LRCH1: variants seen among roughly 807,000 people sequenced by gnomAD.
The protein encoded by LRCH1 is leucine rich repeats and calponin homology domain containing 1.
LRCH1 carries 23 observed loss-of-function variants against 94.9 expected under a neutral mutation model. The observed-to-expected ratio is 0.24, with a 90% CI of 0.17 to 0.34. The LOEUF is 0.34. LRCH1 is among the 10% of genes least tolerant of loss of function. The pLI is 1.00. For missense variants in LRCH1, 790 were observed against 945.9 expected (o/e 0.84, Z 2.16); for synonymous variants, 364 against 354.9 (o/e 1.03, Z -0.29).
At chr13:46,637,709 G>A (rs1245552951) in intron 1 of LRCH1, among the ~76,000 whole-genome samples, 1 of 98,990 alleles carries the variant, frequency 1.0e-5, no homozygotes, top group Non-Finnish European at 2.2e-5. Flanking sequence ...CCCGCACTTC[G>A]TAGTTTTTTT....
chr13:46,578,038 G>C (rs576257819), intron 1 of LRCH1, among the ~76,000 whole-genome samples: 147 of 152,202 alleles, frequency 9.7e-4, no homozygotes, highest in Non-Finnish European at 1.0e-3. Context: ...GAAAAACTTA[G>C]TGTGAGTCTT....
chr13:46,695,145 C>A, intron 9 of LRCH1, 128 bp downstream of exon 9: 2 of 1,110,896 alleles, frequency 1.8e-6, no homozygotes, highest in Non-Finnish European at 2.6e-6. Context: ...CTGAAGCGTT[C>A]CAAACATCTC....
chr13:46,612,956 T>C (rs2050763424), intron 1 of LRCH1, among the ~76,000 whole-genome samples: 1 of 152,236 alleles, frequency 6.6e-6, no homozygotes, highest in South Asian at 2.1e-4. Context: ...GTTCCCAGTT[T>C]AGCATATATG....
intron 1 of LRCH1, among the ~76,000 whole-genome samples, chr13:46,573,539 A>T (rs888354417): frequency 6.6e-6 from 1 of 152,152 alleles, no homozygotes; most frequent in African/African-American, 2.4e-5. Flanking sequence ...ATGGAGTACT[A>T]TTCAGCCATA....
chr13:46,711,987 A>G lies in LRCH1; in HGVS notation c.1581+143A>G, dbSNP rs570229273. On this transcript the variant is annotated intron_variant, in intron 14 of 19. Coordinates refer to ENST00000389797, the MANE Select transcript of LRCH1 (RefSeq NM_001164211.2). The stretch of plus-strand genomic sequence containing the variant: ...GGAATCCGTCTAACTCTCATTAGCT[A>G]TCATAGCTTTATCTGGTCCTATTCG... 5.1e-6 allele frequency: 3 copies of G among 587,156 alleles called. No individual in the cohort carries two copies. In the Admixed American group the frequency reaches 9.3e-5, roughly 18 times the overall value. The allele number at this position is 587,156 out of a possible 1,614,324, so 36.4% of individuals were successfully genotyped here.
chr13:46,741,857 C>T lies in LRCH1; in HGVS notation c.*9C>T, dbSNP rs745824795. 41 of 1,613,450 alleles carry T rather than the reference C, an allele frequency of 2.5e-5. 1 individual carries two copies. Among genetic ancestry groups the T allele is most frequent in the South Asian group, 7.7e-5 (7 of 91,058 alleles). On this transcript the variant is annotated 3_prime_UTR_variant, in exon 20 of 20. Transcript: ENST00000389797. ...ATGCTCTGTCCGCATAATGTCTGCA[C>T]GTGCATCCAAACGCTGTGCTCTGTC... is the stretch of plus-strand genomic sequence containing the variant.
intron 17 of LRCH1, among the ~76,000 whole-genome samples, chr13:46,724,645 A>G (rs1038680201): frequency 1.3e-5 from 2 of 152,236 alleles, no homozygotes; most frequent in Non-Finnish European, 2.9e-5. Context: ...AAGATCATAC[A>G]TAAATGTATG....
intron 2 of LRCH1, among the ~76,000 whole-genome samples, chr13:46,651,143 A>C (rs1214573475): frequency 6.6e-6 from 1 of 152,234 alleles, no homozygotes; most frequent in Non-Finnish European, 1.5e-5. Context: ...CGGTGAATAC[A>C]AGATCCCCAA....
intron 13 of LRCH1, among the ~76,000 whole-genome samples, chr13:46,708,276 CTTT>C (rs10635302): frequency 6.1e-5 from 8 of 130,492 alleles, no homozygotes; most frequent in African/African-American, 1.2e-4. Context: ...TTCATCCCAT[CTTT>C]TTTTTTTTTT....
chr13:46,603,135 A>T (rs1267771361), intron 1 of LRCH1, among the ~76,000 whole-genome samples: 3 of 151,592 alleles, frequency 2.0e-5, no homozygotes, highest in Non-Finnish European at 4.4e-5. Flanking sequence ...TAGGGAGGAG[A>T]AAGCTAATTC....
chr13:46,607,571 C>T (rs1209997642), intron 1 of LRCH1, among the ~76,000 whole-genome samples: 1 of 151,828 alleles, frequency 6.6e-6, no homozygotes, highest in Admixed American at 6.6e-5. Flanking sequence ...CCTCATGATT[C>T]ATTGTTCTTC....
chr13:46,629,630 CTG>C lies in LRCH1; in HGVS notation c.308-20565_308-20564del, dbSNP rs542746768. Among the ~76,000 whole-genome samples, 9 of 152,264 alleles carry C rather than the reference CTG, an allele frequency of 5.9e-5. No individual in the cohort carries two copies. The South Asian group carries it at 1.2e-3, about 21-fold the overall frequency. ...CTCTGTGGTTCTGCTGCTGGGGAAA[CTG>C]TGTGTTTCTGAGCCTATGGGAATGG... On this transcript the variant is annotated intron_variant, in intron 1 of 19. Coordinates refer to ENST00000389797, the MANE Select transcript of LRCH1 (RefSeq NM_001164211.2).
chr13:46,651,760 G>C (rs2051303293), intron 2 of LRCH1, among the ~76,000 whole-genome samples: 1 of 150,614 alleles, frequency 6.6e-6, no homozygotes, highest in African/African-American at 2.4e-5. Flanking sequence ...GAGTGCAGTG[G>C]CGCCATCTCA....
intron 1 of LRCH1, among the ~76,000 whole-genome samples, chr13:46,644,248 T>C (rs1026872239): frequency 1.3e-5 from 2 of 152,218 alleles, no homozygotes; most frequent in Non-Finnish European, 2.9e-5. Flanking sequence ...AATTGGTCAA[T>C]GCGTGGTAAA....
intron 11 of LRCH1, among the ~76,000 whole-genome samples, chr13:46,701,471 G>C (rs1871468628): frequency 6.6e-6 from 1 of 151,856 alleles, no homozygotes; most frequent in South Asian, 2.1e-4. Context: ...GGGAGTTTTT[G>C]GTAAAATTCT....
At chr13:46,584,644 TTTC>T (rs905217913) in intron 1 of LRCH1, among the ~76,000 whole-genome samples, 9 of 152,230 alleles carry the variant, frequency 5.9e-5, no homozygotes, top group African/African-American at 2.2e-4. Context: ...ACTCCGTGTT[TTTC>T]TTCTTAGGCT....
Position 46,553,387 on chromosome 13 carries a change from C to T in LRCH1, c.-10C>T, listed in dbSNP as rs2137883915. 1 of 1,526,060 alleles carries T rather than the reference C, an allele frequency of 6.6e-7. No homozygotes were observed. Among genetic ancestry groups the T allele is most frequent in the African/African-American group, 1.4e-5 (1 of 72,746 alleles). 94.5% of individuals were successfully genotyped at this position (1,526,060 alleles called of 1,614,324 possible). A position where few individuals can be genotyped will look rare whatever the true frequency, so the allele number is the denominator to read the frequency against. On this transcript the variant is annotated 5_prime_UTR_variant, in exon 1 of 20. Transcript: ENST00000389797. ...GAGCGGCGGGGCGGGGTGGGGGGGC[C>T]CGGGAGAAGATGGCGACGCCGGGAA...
chr13:46,572,049 G>A (rs1392740204), intron 1 of LRCH1, among the ~76,000 whole-genome samples: 1 of 152,322 alleles, frequency 6.6e-6, no homozygotes, highest in African/African-American at 2.4e-5. Context: ...ACGTGCATCT[G>A]TCTCTGCCAC....
chr13:46,715,173 T>G (rs1872258989), intron 15 of LRCH1, among the ~76,000 whole-genome samples: 1 of 152,192 alleles, frequency 6.6e-6, no homozygotes, highest in Non-Finnish European at 1.5e-5. Context: ...ATTTTGTTAG[T>G]TTTTTAGAAA....
Sources: gnomAD v4.1 joint callset for allele counts (sites outside exome capture counted in the v4.1 genomes callset) on GRCh38, gnomAD v4.1.1 for gene constraint, MANE v1.5 for transcripts, NCBI Gene and HGNC (gene_info 2026-07-23, HGNC 2026-07-21) for gene names.